ARFGEF3: variants seen among roughly 807,000 people sequenced by gnomAD.
ARFGEF3 encodes brefeldin A-inhibited guanine nucleotide-exchange protein 3.
A neutral mutation model predicts 221.7 loss-of-function variants in ARFGEF3; 96 were observed. The ratio of observed to expected loss-of-function variants is 0.43; its 90% confidence interval spans 0.37 to 0.51. The LOEUF (loss-of-function observed/expected upper bound fraction) is 0.51, where lower values mean the gene tolerates loss of function less well. ARFGEF3 is among the 20% of genes least tolerant of loss of function. The pLI is 0.00. For missense variants in ARFGEF3, 2,410 were observed against 2,789.9 expected (o/e 0.86, Z 3.07); for synonymous variants, 1,145 against 1,126.8 (o/e 1.02, Z -0.32).
At chr6:138,315,605 A>G (rs1387907419) in intron 26 of ARFGEF3, among the ~76,000 whole-genome samples, 1 of 152,138 alleles carries the variant, frequency 6.6e-6, no homozygotes, top group Non-Finnish European at 1.5e-5. Flanking sequence ...TAATCCCAAC[A>G]CTTTGGGAGG....
intron 5 of ARFGEF3, among the ~76,000 whole-genome samples, chr6:138,231,337 C>G (rs1778187793): frequency 6.6e-6 from 1 of 151,922 alleles, no homozygotes. Context: ...CAGATCATAG[C>G]CAAAGAACAA....
intron 7 of ARFGEF3, among the ~76,000 whole-genome samples, chr6:138,245,000 C>A (rs1307010446): frequency 6.6e-6 from 1 of 152,128 alleles, no homozygotes; most frequent in South Asian, 2.1e-4. Context: ...GCGTGTTTTG[C>A]TTTAGAAAGA....
chr6:138,225,583 A>G (rs1185952049), intron 4 of ARFGEF3, among the ~76,000 whole-genome samples: 1 of 152,232 alleles, frequency 6.6e-6, no homozygotes, highest in African/African-American at 2.4e-5. Flanking sequence ...TTTTGATGTC[A>G]AAGACTGTGC....
chr6:138,180,543 G>A (rs1433922402), intron 2 of ARFGEF3, among the ~76,000 whole-genome samples: 13 of 152,020 alleles, frequency 8.6e-5, no homozygotes, highest in African/African-American at 3.1e-4. Flanking sequence ...ATGTAACTGA[G>A]TTTTGGCCCT....
At chr6:138,313,678 C>T (rs1409421374) in intron 25 of ARFGEF3, 117 bp from the exon 26 acceptor site, 1 of 808,224 alleles carries the variant, frequency 1.2e-6, no homozygotes, top group Non-Finnish European at 1.9e-6. Context: ...ATCAAATTTT[C>T]AATGTCTAGT....
intron 15 of ARFGEF3, 116 bp downstream of exon 15, chr6:138,286,169 G>T (rs982135740): frequency 9.8e-6 from 7 of 715,548 alleles, no homozygotes; most frequent in Non-Finnish European, 1.7e-5. Context: ...AAAGTAATTG[G>T]GCCGGGCCCG....
At chr6:138,202,904 CCACA>C (rs140250634) in intron 2 of ARFGEF3, among the ~76,000 whole-genome samples, 5 of 148,680 alleles carry the variant, frequency 3.4e-5, no homozygotes, top group African/African-American at 1.2e-4. Context: ...GCACACACAC[CCACA>C]CACACACACA....
rs141083042 is a variant in ARFGEF3 at position 138,341,787 on chromosome 6, T to C, written c.*5301T>C. The C allele has an allele frequency of 6.6e-6, 1 of 152,326 alleles. No homozygotes were observed. The highest frequency in any genetic ancestry group is 2.4e-5 in the African/African-American group (1 of 41,576). 9.4% of individuals were successfully genotyped at this position (152,326 alleles called of 1,614,324 possible). On this transcript the variant is annotated 3_prime_UTR_variant, in exon 34 of 34. Coordinates refer to ENST00000251691, the MANE Select transcript of ARFGEF3 (RefSeq NM_020340.5). Reference sequence around the variant, plus strand: ...TTTGGAACAGAACACCCTTTAGATTTCCAAAACACAATTCTTATTTCAGGG... The same window carrying C: ...TTTGGAACAGAACACCCTTTAGATTCCCAAAACACAATTCTTATTTCAGGG...
intron 27 of ARFGEF3, 92 bp downstream of exon 27, chr6:138,317,471 T>C: frequency 6.7e-7 from 1 of 1,484,494 alleles, no homozygotes; most frequent in South Asian, 1.2e-5. Flanking sequence ...CTGTTTTCAC[T>C]GTTTCCTAGA....
Position 138,291,748 on chromosome 6 carries a change from G to A in ARFGEF3, c.3063G>A (p.Val1021=). ...WPHVFRVCEY[V]GTLEHNHFSD... ...CTCTTTCTAGGGTGTGTGAATACGT[G>A]GGCACCCTGGAGCACAACCACTTCA... Residue 1021 remains valine (V), a synonymous_variant, in exon 19 of 34, where the codon GTG becomes GTA. Transcript: ENST00000251691. The surrounding 1 kb of genome is among the most constrained non-coding windows in gnomAD (Gnocchi z 4.5). 2 of 1,416,454 alleles carry A rather than the reference G, an allele frequency of 1.4e-6. No homozygotes were observed. Among genetic ancestry groups the A allele is most frequent in the Non-Finnish European group, 1.9e-6 (2 of 1,080,648 alleles). 87.7% of individuals were successfully genotyped at this position (1,416,454 alleles called of 1,614,324 possible). A position where few individuals can be genotyped will look rare whatever the true frequency, so the allele number is the denominator to read the frequency against.
At chr6:138,327,793 T>C (rs1780152887) in intron 31 of ARFGEF3, among the ~76,000 whole-genome samples, 1 of 152,254 alleles carries the variant, frequency 6.6e-6, no homozygotes, top group African/African-American at 2.4e-5. Context: ...GTAGCATTGC[T>C]GGTATTAGTG....
intron 12 of ARFGEF3, among the ~76,000 whole-genome samples, chr6:138,264,078 C>T (rs888134851): frequency 9.2e-5 from 14 of 152,268 alleles, no homozygotes; most frequent in Admixed American, 7.8e-4. Flanking sequence ...AGTGAACATT[C>T]GAACAATGTG....
At chr6:138,174,450 C>T (rs75806552) in intron 2 of ARFGEF3, among the ~76,000 whole-genome samples, 5,559 of 112,320 alleles carry the variant, frequency 0.049, 133 homozygotes, top group Middle Eastern at 0.18. Context: ...ACATGGCATC[C>T]TTCTATTTGA....
At chr6:138,287,860 G>T (rs923335907) in intron 17 of ARFGEF3, among the ~76,000 whole-genome samples, 2 of 152,126 alleles carry the variant, frequency 1.3e-5, no homozygotes, top group Non-Finnish European at 2.9e-5. Flanking sequence ...TACATTTTTA[G>T]CTGAGAAACA....
At chr6:138,258,652 A>G (rs2114583230) in intron 10 of ARFGEF3, among the ~76,000 whole-genome samples, 1 of 152,344 alleles carries the variant, frequency 6.6e-6, no homozygotes, top group South Asian at 2.1e-4. Context: ...TTGACTCCTC[A>G]ACTATACTTT....
intron 10 of ARFGEF3, among the ~76,000 whole-genome samples, chr6:138,256,577 A>G (rs973637944): frequency 6.6e-6 from 1 of 152,102 alleles, no homozygotes; most frequent in Non-Finnish European, 1.5e-5. Context: ...TTGGTGTTTT[A>G]ATGAGATTTT....
At chr6:138,319,060 C>T (rs1583065056) in intron 27 of ARFGEF3, among the ~76,000 whole-genome samples, 1 of 143,332 alleles carries the variant, frequency 7.0e-6, no homozygotes, top group Non-Finnish European at 1.5e-5. Context: ...CTCAAGCGAT[C>T]CTTCCACCTC....
At chr6:138,167,336 C>T (rs940453843) in intron 1 of ARFGEF3, among the ~76,000 whole-genome samples, 4 of 152,176 alleles carry the variant, frequency 2.6e-5, no homozygotes, top group African/African-American at 9.7e-5. Flanking sequence ...ATGTGATGCC[C>T]GTGTTTATAT....
intron 2 of ARFGEF3, among the ~76,000 whole-genome samples, chr6:138,184,334 T>C (rs73564932): frequency 0.077 from 11,639 of 152,134 alleles, 981 homozygotes; most frequent in African/African-American, 0.21. Flanking sequence ...TTACATAAGA[T>C]GTAATCTTCA....
Sources: gnomAD v4.1 joint callset for allele counts (sites outside exome capture counted in the v4.1 genomes callset) on GRCh38, gnomAD v4.1.1 for gene constraint, Gnocchi (gnomAD v3.1) non-coding constraint, MANE v1.5 for transcripts, NCBI Gene and HGNC (gene_info 2026-07-23, HGNC 2026-07-21) for gene names.